CPVL: variants seen among roughly 807,000 people sequenced by gnomAD.
CPVL encodes carboxypeptidase vitellogenic like.
CPVL carries 51 observed loss-of-function variants against 63.7 expected under a neutral mutation model. The observed-to-expected ratio is 0.80, with a 90% CI of 0.64 to 1.01. The LOEUF (loss-of-function observed/expected upper bound fraction) is 1.01. CPVL is among the 50% of genes least tolerant of loss of function. The pLI is 0.00. For synonymous variants in CPVL, 195 were observed against 206.0 expected (o/e 0.95, Z 0.46); for missense variants, 530 against 573.1 (o/e 0.92, Z 0.77).
At chr7:29,057,199 T>C (rs1470095436) in intron 11 of CPVL, among the ~76,000 whole-genome samples, 2 of 152,124 alleles carry the variant, frequency 1.3e-5, no homozygotes, top group African/African-American at 4.8e-5. Context: ...TGGGTGATCC[T>C]CTCGCCTTGG....
chr7:29,049,977 T>C (rs1480582410), intron 11 of CPVL, among the ~76,000 whole-genome samples: 2 of 152,116 alleles, frequency 1.3e-5, no homozygotes, highest in East Asian at 1.9e-4. Flanking sequence ...CCCTTTATGA[T>C]TAAAACTCTC....
intron 11 of CPVL, among the ~76,000 whole-genome samples, chr7:29,059,577 C>G (rs538394144): frequency 6.6e-6 from 1 of 152,304 alleles, no homozygotes; most frequent in African/African-American, 2.4e-5. Context: ...ACATCACAGA[C>G]TGAAAGACAA....
intron 1 of CPVL, among the ~76,000 whole-genome samples, chr7:29,138,492 T>C (rs1246234643): frequency 6.6e-6 from 1 of 151,996 alleles, no homozygotes; most frequent in African/African-American, 2.4e-5. Context: ...AAGAAACTTG[T>C]GATTATATAT....
At chr7:29,056,922 A>G (rs1790790826) in intron 11 of CPVL, among the ~76,000 whole-genome samples, 1 of 148,922 alleles carries the variant, frequency 6.7e-6, no homozygotes, top group East Asian at 1.9e-4. Context: ...CCCTAATGAC[A>G]TATGATGTTG....
chr7:29,192,203 C>T (rs1782973243), intron 1 of CPVL: 2 of 152,290 alleles, frequency 1.3e-5, no homozygotes, highest in South Asian at 4.1e-4. Flanking sequence ...TCTTCTGGCC[C>T]CAGGATCCAG....
chr7:29,088,544 T>C (rs576829618), intron 6 of CPVL, among the ~76,000 whole-genome samples: 83 of 152,354 alleles, frequency 5.4e-4, no homozygotes, highest in Non-Finnish European at 2.4e-4. Context: ...GTAAATTTAG[T>C]AAATTAGATT....
At chr7:29,078,940 T>C (rs764047380) in intron 7 of CPVL, among the ~76,000 whole-genome samples, 1 of 152,148 alleles carries the variant, frequency 6.6e-6, no homozygotes, top group Non-Finnish European at 1.5e-5. Flanking sequence ...TAACTGAAAA[T>C]AGAGATTTGT....
chr7:29,095,062 C>G, intron 5 of CPVL, 22 bp downstream of exon 5: 2 of 1,601,610 alleles, frequency 1.2e-6, no homozygotes, highest in Non-Finnish European at 1.7e-6. Flanking sequence ...ACTGACAGCT[C>G]ACAGGGTCAT....
intron 11 of CPVL, among the ~76,000 whole-genome samples, chr7:29,033,759 CA>C (rs1156850254): frequency 6.6e-6 from 1 of 152,224 alleles, no homozygotes; most frequent in Non-Finnish European, 1.5e-5. Flanking sequence ...GTGCCCTGAA[CA>C]TGCATTTCCT....
chr7:29,071,282 C>T (rs758384883), intron 9 of CPVL, among the ~76,000 whole-genome samples: 1 of 152,160 alleles, frequency 6.6e-6, no homozygotes, highest in African/African-American at 2.4e-5. Flanking sequence ...GTAAGAGTTT[C>T]AAATTACTAC....
chr7:29,172,122 GA>G (rs1238005446), intron 5 of CPVL, among the ~76,000 whole-genome samples: 1 of 152,134 alleles, frequency 6.6e-6, no homozygotes, highest in Non-Finnish European at 1.5e-5. Flanking sequence ...TTGCCACCTA[GA>G]AGGAACCCAG....
intron 7 of CPVL, among the ~76,000 whole-genome samples, chr7:29,073,996 C>A (rs529857475): frequency 6.6e-6 from 1 of 152,290 alleles, no homozygotes; most frequent in South Asian, 2.1e-4. Context: ...CTCCAGGGGT[C>A]TGTAGTTCAA....
rs997241515 is a variant in CPVL at position 29,030,812 on chromosome 7, T to C, written c.1138-53A>G. 5.4e-6 allele frequency: 8 copies of C among 1,487,392 alleles called. No homozygotes were observed. The African/African-American group carries it at 9.9e-5, about 18-fold the overall frequency. The allele number at this position is 1,487,392 out of a possible 1,614,324, so 92.1% of individuals were successfully genotyped here. A position where few individuals can be genotyped will look rare whatever the true frequency, so the allele number is the denominator to read the frequency against. ...TGCAAGATTCAGGAGGTGAAGCTCATGAATCGAGCTAGGTATAAATAGTGA... is the reference window on the plus strand; with the variant it reads ...TGCAAGATTCAGGAGGTGAAGCTCACGAATCGAGCTAGGTATAAATAGTGA... On this transcript the variant is annotated intron_variant, in intron 11 of 12. Coordinates refer to ENST00000265394, the MANE Select transcript of CPVL (RefSeq NM_031311.5).
Position 29,103,180 on chromosome 7 carries a change from T to TGGGGGGGGGGGGGGG in CPVL, c.289-6978_289-6964dup, listed in dbSNP as rs10568146. 5.3e-5 allele frequency among the ~76,000 whole-genome samples: 3 copies of TGGGGGGGGGGGGGGG among 56,152 alleles called. 1 individual carries two copies. In the Admixed American group the frequency reaches 1.0e-3, roughly 19 times the overall value. 36.8% of individuals were successfully genotyped at this position (56,152 alleles called of 152,430 possible). A position where few individuals can be genotyped will look rare whatever the true frequency, so the allele number is the denominator to read the frequency against. ...TCACTGAAACAGTAAGTTAATATAC[T>TGGGGGGGGGGGGGGG]GGGGGGGGGGGGGGGGTGCTAAAAA... On this transcript the variant is annotated intron_variant, in intron 3 of 12. Transcript: ENST00000265394.
At chr7:29,097,369 G>C (rs1786545372) in intron 3 of CPVL, among the ~76,000 whole-genome samples, 1 of 152,238 alleles carries the variant, frequency 6.6e-6, no homozygotes. Context: ...TTGGAACTTA[G>C]AATTGCATGG....
intron 11 of CPVL, among the ~76,000 whole-genome samples, chr7:29,043,532 T>A (rs565801397): frequency 6.6e-6 from 1 of 152,260 alleles, no homozygotes; most frequent in East Asian, 1.9e-4. Flanking sequence ...GTCAGGAGGC[T>A]GAAGAAACAG....
chr7:29,010,948 G>A (rs1475422216), intron 12 of CPVL: 1 of 152,136 alleles, frequency 6.6e-6, no homozygotes, highest in African/African-American at 2.4e-5. Context: ...CATACAGCTG[G>A]TACATGGTAG....
At chr7:29,137,050 C>T (rs1172526869) in intron 1 of CPVL, among the ~76,000 whole-genome samples, 1 of 152,174 alleles carries the variant, frequency 6.6e-6, no homozygotes, top group Admixed American at 6.5e-5. Context: ...AGTTTCCAAC[C>T]TTGACTTTAA....
At chr7:29,009,707 G>A (rs1188413762) in intron 12 of CPVL, 2 of 152,010 alleles carry the variant, frequency 1.3e-5, no homozygotes, top group East Asian at 3.9e-4. Flanking sequence ...ATATGGATAC[G>A]TATGTCTGCA....
Sources: allele counts gnomAD v4.1 joint callset (sites outside exome capture counted in the v4.1 genomes callset), GRCh38; gene constraint gnomAD v4.1.1; transcripts MANE v1.5; gene names NCBI Gene and HGNC (gene_info 2026-07-23, HGNC 2026-07-21).